PCDH9: variants seen among roughly 807,000 people sequenced by gnomAD.
PCDH9 encodes protocadherin 9.
Under a neutral mutation model 70.6 loss-of-function variants are expected in PCDH9, and 24 were observed. That is an observed-to-expected ratio of 0.34 (90% CI 0.25 to 0.48). The LOEUF is 0.48. Among genes scored for constraint, PCDH9 ranks in the 20% least tolerant of loss-of-function variants. The pLI is 0.99. For synonymous variants in PCDH9, 562 were observed against 558.5 expected (o/e 1.01, Z -0.09); for missense variants, 1,281 against 1,503.6 (o/e 0.85, Z 2.45).
At chr13:66,384,090 G>T (rs951700478) in intron 4 of PCDH9, among the ~76,000 whole-genome samples, 1 of 151,914 alleles carries the variant, frequency 6.6e-6, no homozygotes, top group Non-Finnish European at 1.5e-5. Context: ...TACAAATAAA[G>T]AATTTCCTAT....
chr13:66,578,778 T>C (rs917986390), intron 4 of PCDH9, among the ~76,000 whole-genome samples: 2 of 152,114 alleles, frequency 1.3e-5, no homozygotes, highest in African/African-American at 4.8e-5. Context: ...TATAACATAA[T>C]GACACATAAT....
chr13:66,987,458 C>T (rs2139789228), intron 2 of PCDH9, among the ~76,000 whole-genome samples: 1 of 152,084 alleles, frequency 6.6e-6, no homozygotes, highest in Non-Finnish European at 1.5e-5. Context: ...ATGACCTCAT[C>T]TGCATTCCAG....
intron 3 of PCDH9, among the ~76,000 whole-genome samples, chr13:66,893,671 C>T (rs900451537): frequency 6.6e-6 from 1 of 152,126 alleles, no homozygotes; most frequent in African/African-American, 2.4e-5. Context: ...AATAAAAACA[C>T]ATGTGCACGC....
chr13:66,439,971 C>T (rs1957944261), intron 4 of PCDH9, among the ~76,000 whole-genome samples: 1 of 152,152 alleles, frequency 6.6e-6, no homozygotes, highest in African/African-American at 2.4e-5. Flanking sequence ...CCCTTAATTT[C>T]TCAAGTGCAC....
intron 4 of PCDH9, among the ~76,000 whole-genome samples, chr13:66,568,685 G>C (rs1008571644): frequency 1.1e-4 from 16 of 150,228 alleles, no homozygotes; most frequent in Admixed American, 8.0e-4. Flanking sequence ...AAAAAAAAAA[G>C]AAAATGATTT....
At chr13:67,063,421 T>G (rs1456171044) in intron 2 of PCDH9, among the ~76,000 whole-genome samples, 3 of 152,068 alleles carry the variant, frequency 2.0e-5, no homozygotes, top group Non-Finnish European at 4.4e-5. Context: ...TTTAACTACT[T>G]TGCATAATTT....
intron 4 of PCDH9, among the ~76,000 whole-genome samples, chr13:66,616,063 T>C (rs1379764017): frequency 6.6e-6 from 1 of 152,196 alleles, no homozygotes; most frequent in Non-Finnish European, 1.5e-5. Flanking sequence ...AGCCCAATGG[T>C]GAAACAGGCC....
At chr13:66,484,946 C>T (rs903336548) in intron 4 of PCDH9, among the ~76,000 whole-genome samples, 7 of 152,176 alleles carry the variant, frequency 4.6e-5, no homozygotes, top group African/African-American at 1.7e-4. Flanking sequence ...TATAGATATA[C>T]ACATGTACCC....
At chr13:66,725,096 C>T (rs1171221893) in intron 3 of PCDH9, among the ~76,000 whole-genome samples, 1 of 152,084 alleles carries the variant, frequency 6.6e-6, no homozygotes, top group Non-Finnish European at 1.5e-5. Context: ...AAATACACCC[C>T]CACACTCCCT....
intron 4 of PCDH9, among the ~76,000 whole-genome samples, chr13:66,493,857 G>A (rs965453740): frequency 2.6e-5 from 4 of 152,024 alleles, no homozygotes; most frequent in African/African-American, 9.7e-5. Flanking sequence ...CAAGGCCTAT[G>A]ATGCCACATA....
intron 3 of PCDH9, among the ~76,000 whole-genome samples, chr13:66,692,288 T>C (rs75344396): frequency 0.017 from 2,590 of 152,162 alleles, 84 homozygotes; most frequent in African/African-American, 0.059. Context: ...TCACAATATA[T>C]ACATTATTGA....
intron 3 of PCDH9, among the ~76,000 whole-genome samples, chr13:66,656,640 TG>T (rs1030259081): frequency 5.5e-5 from 5 of 91,412 alleles, no homozygotes; most frequent in East Asian, 3.3e-4. Context: ...GATGGTGGGG[TG>T]GGGGGGCGGT....
chr13:66,811,684 G>GCCTTCTTTCCATCTGCCTA (rs939907501), intron 3 of PCDH9, among the ~76,000 whole-genome samples: 1 of 144,920 alleles, frequency 6.9e-6, no homozygotes, highest in African/African-American at 2.7e-5. Flanking sequence ...CTGCCTGTCT[G>GCCTTCTTTCCATCTGCCTA]CCTTCTTTCC....
intron 2 of PCDH9, among the ~76,000 whole-genome samples, chr13:67,072,255 T>G (rs1446426333): frequency 6.6e-6 from 1 of 152,126 alleles, no homozygotes; most frequent in Non-Finnish European, 1.5e-5. Flanking sequence ...CAAAAAGAAT[T>G]ATCTGTTCTA....
chr13:67,031,579 A>G (rs576975016), intron 2 of PCDH9, among the ~76,000 whole-genome samples: 199 of 152,276 alleles, frequency 1.3e-3, no homozygotes, highest in Admixed American at 2.7e-3. Flanking sequence ...GCTACTAGGG[A>G]GGCTGAGGCA....
chr13:66,714,444 A>T (rs1175867937), intron 3 of PCDH9, among the ~76,000 whole-genome samples: 1 of 151,528 alleles, frequency 6.6e-6, no homozygotes, highest in African/African-American at 2.4e-5. Context: ...AGCCTGGGTG[A>T]CAGAGCAAGA....
At chr13:66,540,545 C>T (rs1197907621) in intron 4 of PCDH9, among the ~76,000 whole-genome samples, 3 of 152,084 alleles carry the variant, frequency 2.0e-5, no homozygotes, top group Non-Finnish European at 4.4e-5. Context: ...ATATTAGATG[C>T]CACCCAAGAC....
intron 2 of PCDH9, among the ~76,000 whole-genome samples, chr13:67,112,114 G>A (rs1462562843): frequency 6.6e-6 from 1 of 152,108 alleles, no homozygotes; most frequent in Admixed American, 6.5e-5. Flanking sequence ...ACTTTCATTA[G>A]AGCCAGGCTC....
chr13:66,643,378 G>T (rs1057357294), intron 3 of PCDH9, among the ~76,000 whole-genome samples: 2 of 152,004 alleles, frequency 1.3e-5, no homozygotes, highest in African/African-American at 4.8e-5. Context: ...GTTCTGAACA[G>T]TCGAAGTAGC....
Sources: allele counts gnomAD v4.1 joint callset (sites outside exome capture counted in the v4.1 genomes callset), GRCh38; gene constraint gnomAD v4.1.1; transcripts MANE v1.5; gene names NCBI Gene and HGNC (gene_info 2026-07-23, HGNC 2026-07-21).